PIGN: variants seen among roughly 807,000 people sequenced by gnomAD.
PIGN encodes phosphatidylinositol glycan anchor biosynthesis class N, also known as GPI ethanolamine phosphate transferase 1.
Under a neutral mutation model 125.4 loss-of-function variants are expected in PIGN, and 117 were observed. That is an observed-to-expected ratio of 0.93 (90% CI 0.80 to 1.09). PIGN has a LOEUF of 1.09. PIGN is among the 50% of genes least tolerant of loss of function. PIGN has a pLI of 0.00. For synonymous variants in PIGN, 392 were observed against 377.8 expected, an observed-to-expected ratio of 1.04 and a Z score of -0.44; for missense variants, 1,075 against 1,094.9, an observed-to-expected ratio of 0.98 and a Z score of 0.26.
intron 3 of PIGN, 49 bp downstream of exon 3, chr18:62,162,204 A>G (rs2147638767): frequency 6.6e-6 from 1 of 152,300 alleles, no homozygotes; most frequent in African/African-American, 2.4e-5. Context: ...CTTAAGGAAG[A>G]AAAACGAAGC....
At chr18:62,062,635 C>G (rs2032221013) in intron 30 of PIGN, among the ~76,000 whole-genome samples, 1 of 152,050 alleles carries the variant, frequency 6.6e-6, no homozygotes. Flanking sequence ...TTCAGGGCAG[C>G]TCCCATTATA....
chr18:62,101,030 T>A (rs542803765), intron 22 of PIGN, 45 bp downstream of exon 22: 1 of 960,800 alleles, frequency 1.0e-6, no homozygotes, highest in South Asian at 1.3e-5. Context: ...TTAAAATAAC[T>A]AAGTTGATGT....
intron 7 of PIGN, 59 bp from the exon 8 acceptor site, chr18:62,148,397 A>T: frequency 8.8e-7 from 1 of 1,139,558 alleles, no homozygotes. Context: ...TAAAAATAAT[A>T]CTGATGAAAA....
At chr18:62,074,634 A>T (rs1192299339) in intron 29 of PIGN, 145 bp downstream of exon 29, 2 of 519,608 alleles carry the variant, frequency 3.8e-6, no homozygotes, top group Non-Finnish European at 6.9e-6. Context: ...AATATAAAAG[A>T]ACATAATTTA....
intron 14 of PIGN, among the ~76,000 whole-genome samples, chr18:62,122,542 T>C (rs1651082745): frequency 6.6e-6 from 1 of 152,162 alleles, no homozygotes; most frequent in African/African-American, 2.4e-5. Flanking sequence ...GGATTCAGAA[T>C]AGCAGCAAGA....
Position 62,148,206 on chromosome 18 carries a change from T to C in PIGN, c.674+8A>G. 1 of 1,530,424 alleles carries C rather than the reference T, an allele frequency of 6.5e-7. No homozygotes were observed. 94.8% of individuals were successfully genotyped at this position (1,530,424 alleles called of 1,614,324 possible). On this transcript the variant is annotated splice_region_variant and intron_variant, in intron 8 of 30. Coordinates refer to ENST00000640252, the MANE Select transcript of PIGN (RefSeq NM_176787.5). ...TAAAAAATACAATTAAACACAATAT[T>C]AAATTACCTCGAGGATGGTCGATGA...
intron 11 of PIGN, among the ~76,000 whole-genome samples, chr18:62,141,455 C>T (rs2036131815): frequency 6.6e-6 from 1 of 152,234 alleles, no homozygotes; most frequent in Non-Finnish European, 1.5e-5. Flanking sequence ...TTTCTTCTAT[C>T]TCACTGGCTC....
intron 14 of PIGN, among the ~76,000 whole-genome samples, chr18:62,118,951 T>C (rs1298149198): frequency 6.7e-6 from 1 of 149,986 alleles, no homozygotes. Flanking sequence ...CTAAGAAGAA[T>C]GTCCCTGAAA....
At chr18:62,161,580 A>G (rs1010162384) in intron 3 of PIGN, among the ~76,000 whole-genome samples, 195 bp from the exon 4 acceptor site, 2 of 152,234 alleles carry the variant, frequency 1.3e-5, no homozygotes, top group African/African-American at 4.8e-5. Flanking sequence ...AATATGTAAT[A>G]AAGTACATCT....
chr18:62,076,185 G>A lies in PIGN; in HGVS notation c.2577-1364C>T, dbSNP rs1167266552. ...TCCTGACCTCGTATCCGCCCGCCTCGGCCTCCCAAAGTGCTGGGATTACAG... is the reference window on the plus strand; with the variant it reads ...TCCTGACCTCGTATCCGCCCGCCTCAGCCTCCCAAAGTGCTGGGATTACAG... On this transcript the variant is annotated intron_variant, in intron 28 of 30. Transcript: ENST00000640252. Among the ~76,000 whole-genome samples the A allele has an allele frequency of 3.9e-5, 6 of 152,132 alleles. No individual in the cohort carries two copies. The East Asian group carries it at 7.7e-4, about 20-fold the overall frequency.
chr18:62,145,877 G>T (rs1328075498), intron 10 of PIGN, 32 bp downstream of exon 10: 2 of 1,039,716 alleles, frequency 1.9e-6, no homozygotes, highest in Non-Finnish European at 3.0e-6. Context: ...TTAAGAGGTT[G>T]TATTTATAAA....
Position 62,101,234 on chromosome 18 carries a change from C to G in PIGN, c.1969-51G>C. Reference sequence around the variant, plus strand: ...AAAAAAGAGAAGGTAGTGAAAGACTCTAACTAGCAAGAATGTAAGACATTC... The same window carrying G: ...AAAAAAGAGAAGGTAGTGAAAGACTGTAACTAGCAAGAATGTAAGACATTC... On this transcript the variant is annotated intron_variant, in intron 21 of 30. Coordinates refer to ENST00000640252, the MANE Select transcript of PIGN (RefSeq NM_176787.5). 6.0e-6 allele frequency: 6 copies of G among 995,848 alleles called. No homozygotes were observed. The South Asian group carries it at 8.1e-5, about 13-fold the overall frequency. The allele number at this position is 995,848 out of a possible 1,614,324, so 61.7% of individuals were successfully genotyped here.
At chr18:62,124,002 T>C (rs1399173836) in intron 14 of PIGN, among the ~76,000 whole-genome samples, 1 of 152,136 alleles carries the variant, frequency 6.6e-6, no homozygotes. Flanking sequence ...TTATGAGCCC[T>C]AATGCATGAA....
At chr18:62,180,590 TAGTG>T (rs1214648546) in intron 1 of PIGN, among the ~76,000 whole-genome samples, 1 of 152,182 alleles carries the variant, frequency 6.6e-6, no homozygotes, top group Non-Finnish European at 1.5e-5. Flanking sequence ...GCCTGATTAC[TAGTG>T]AGTATGAAAA....
chr18:62,033,309 T>G (rs937746693), intron 23 of PIGN, among the ~76,000 whole-genome samples: 1 of 152,226 alleles, frequency 6.6e-6, no homozygotes, highest in South Asian at 2.1e-4. Context: ...ATCACTGGAT[T>G]TGTAAAGTTG....
At chr18:62,128,983 T>C (rs2035634722) in intron 14 of PIGN, among the ~76,000 whole-genome samples, 4 of 152,110 alleles carry the variant, frequency 2.6e-5, no homozygotes, top group Admixed American at 2.6e-4. Flanking sequence ...CCTGCAAAAT[T>C]CCCTTCCAAG....
chr18:62,173,357 A>G (rs1027679016), intron 1 of PIGN, among the ~76,000 whole-genome samples: 1 of 152,062 alleles, frequency 6.6e-6, no homozygotes, highest in South Asian at 2.1e-4. Flanking sequence ...CAGCCTCCCT[A>G]GTAGCCGGGA....
intron 14 of PIGN, among the ~76,000 whole-genome samples, chr18:62,125,857 C>T (rs1270918661): frequency 1.3e-5 from 2 of 151,970 alleles, no homozygotes; most frequent in South Asian, 2.1e-4. Context: ...TTTTAAAATA[C>T]GAATGAAAAA....
intron 23 of PIGN, among the ~76,000 whole-genome samples, chr18:62,024,755 A>C (rs906310780): frequency 2.0e-5 from 3 of 152,216 alleles, no homozygotes; most frequent in Admixed American, 2.0e-4. Flanking sequence ...TAGGAGGCAG[A>C]AGTGGGAGGA....
Sources: gnomAD v4.1 joint callset for allele counts (sites outside exome capture counted in the v4.1 genomes callset) on GRCh38, gnomAD v4.1.1 for gene constraint, MANE v1.5 for transcripts, NCBI Gene and HGNC (gene_info 2026-07-23, HGNC 2026-07-21) for gene names.